Variants in RALY observed in about 807,000 individuals in gnomAD.
RALY encodes the protein RALY heterogeneous nuclear ribonucleoprotein.
A neutral mutation model predicts 30.7 loss-of-function variants in RALY; 15 were observed. That is an observed-to-expected ratio of 0.49 (90% CI 0.33 to 0.75). RALY has a LOEUF of 0.75. Among genes scored for constraint, RALY ranks in the 30% least tolerant of loss-of-function variants. RALY has a pLI of 0.02. For missense variants in RALY, 339 were observed against 414.3 expected, an observed-to-expected ratio of 0.82 and a Z score of 1.58; for synonymous variants, 177 against 170.8, an observed-to-expected ratio of 1.04 and a Z score of -0.28.
intron 1 of RALY, among the ~76,000 whole-genome samples, chr20:34,001,675 T>C (rs940816802): frequency 6.6e-6 from 1 of 152,258 alleles, no homozygotes; most frequent in Non-Finnish European, 1.5e-5. Flanking sequence ...AGCCCAGCAG[T>C]AGATTTAAAA....
intron 2 of RALY, among the ~76,000 whole-genome samples, chr20:34,044,797 T>G (rs1403346625): frequency 6.6e-6 from 1 of 152,230 alleles, no homozygotes; most frequent in Non-Finnish European, 1.5e-5. Flanking sequence ...GGAAGGGACC[T>G]TAGGGACAGT....
chr20:34,037,410 G>A (rs2032536964), intron 2 of RALY, among the ~76,000 whole-genome samples: 3 of 152,278 alleles, frequency 2.0e-5, no homozygotes, highest in Admixed American at 1.3e-4. Context: ...ACCGCTGCCC[G>A]CCTCATGGAC....
intron 2 of RALY, among the ~76,000 whole-genome samples, chr20:34,058,096 C>T (rs144595987): frequency 1.6e-4 from 25 of 151,748 alleles, no homozygotes; most frequent in African/African-American, 5.3e-4. Context: ...GGAAGGGGGC[C>T]GGGAAGGGTT....
intron 1 of RALY, among the ~76,000 whole-genome samples, chr20:33,994,718 G>A (rs2030516301): frequency 6.6e-6 from 1 of 152,142 alleles, no homozygotes; most frequent in Admixed American, 6.5e-5. Flanking sequence ...CTCCTTGGCG[G>A]CCGAGTCTTA....
chr20:34,070,082 C>T lies in RALY; in HGVS notation c.-9-1984C>T, dbSNP rs532066897. On this transcript the variant is annotated intron_variant, in intron 2 of 9. Transcript: ENST00000246194. ...GGAGGATTTAAGAGAAAAAGAGTCT[C>T]TTATCCCCTAGTGGGATAAGAGATA... Among the ~76,000 whole-genome samples, 28 of 152,282 alleles carry T rather than the reference C, an allele frequency of 1.8e-4. No homozygotes were observed. In the South Asian group the frequency reaches 5.6e-3, roughly 30 times the overall value.
chr20:34,070,292 G>T (rs1477364456), intron 2 of RALY, among the ~76,000 whole-genome samples: 1 of 152,202 alleles, frequency 6.6e-6, no homozygotes, highest in Non-Finnish European at 1.5e-5. Context: ...GTACCAATGA[G>T]CAGAAGACTG....
chr20:34,064,303 C>G (rs1290700918), intron 2 of RALY, among the ~76,000 whole-genome samples: 10 of 152,068 alleles, frequency 6.6e-5, no homozygotes, highest in African/African-American at 1.9e-4. Context: ...AGTTAGTGTT[C>G]AAGATGCAGG....
chr20:34,030,831 T>C (rs1405828171), intron 1 of RALY, among the ~76,000 whole-genome samples: 2 of 152,160 alleles, frequency 1.3e-5, no homozygotes, highest in Non-Finnish European at 2.9e-5. Flanking sequence ...CCTTTGTACT[T>C]GCTATTCTCT....
At chr20:34,064,543 T>A (rs192926930) in intron 2 of RALY, among the ~76,000 whole-genome samples, 124 of 152,294 alleles carry the variant, frequency 8.1e-4, no homozygotes, top group African/African-American at 2.6e-3. Flanking sequence ...TTGACAGGAA[T>A]GGGGCAGGGA....
intron 1 of RALY, among the ~76,000 whole-genome samples, chr20:33,996,484 C>T (rs1341782000): frequency 6.6e-6 from 1 of 152,028 alleles, no homozygotes; most frequent in Non-Finnish European, 1.5e-5. Flanking sequence ...GAATTAAGTA[C>T]TATTATTATC....
At chr20:34,077,940 G>A (rs1338616928) in intron 8 of RALY, among the ~76,000 whole-genome samples, 1 of 152,256 alleles carries the variant, frequency 6.6e-6, no homozygotes, top group African/African-American at 2.4e-5. Context: ...AGGCTGAGTG[G>A]CATGCTCAGG....
chr20:34,025,899 G>GTTTTTTTTTTTTTT (rs35827160), intron 1 of RALY, among the ~76,000 whole-genome samples: 5 of 75,916 alleles, frequency 6.6e-5, no homozygotes, highest in Non-Finnish European at 1.2e-4. Context: ...ATTCCTGGTT[G>GTTTTTTTTTTTTTT]TTTTTTTTTT....
intron 1 of RALY, chr20:34,017,660 G>T (rs1273760336): frequency 6.6e-6 from 1 of 152,222 alleles, no homozygotes; most frequent in African/African-American, 2.4e-5. Context: ...TCTCCTCTAC[G>T]GAGTGCAGAG....
chr20:34,076,443 C>T (rs1161126303), intron 6 of RALY, among the ~76,000 whole-genome samples: 6 of 152,302 alleles, frequency 3.9e-5, no homozygotes, highest in South Asian at 2.1e-4. Context: ...CACATACACA[C>T]CTGTGCTCCT....
intron 2 of RALY, among the ~76,000 whole-genome samples, chr20:34,039,711 G>C (rs941042237): frequency 6.6e-6 from 1 of 152,160 alleles, no homozygotes; most frequent in Non-Finnish European, 1.5e-5. Flanking sequence ...TTAACATTGA[G>C]AGATAATGCA....
At chr20:34,025,147 C>T (rs1470828420) in intron 1 of RALY, among the ~76,000 whole-genome samples, 1 of 152,138 alleles carries the variant, frequency 6.6e-6, no homozygotes, top group African/African-American at 2.4e-5. Flanking sequence ...TTCAGGGGAG[C>T]CCTGCCTGAG....
intron 1 of RALY, among the ~76,000 whole-genome samples, chr20:33,997,249 G>A (rs1327646900): frequency 2.0e-5 from 3 of 152,040 alleles, no homozygotes; most frequent in African/African-American, 7.2e-5. Context: ...CGAGTAGCTG[G>A]GACTACAGGC....
chr20:34,006,476 T>C (rs970543864), intron 1 of RALY, among the ~76,000 whole-genome samples: 1 of 152,248 alleles, frequency 6.6e-6, no homozygotes, highest in Non-Finnish European at 1.5e-5. Flanking sequence ...TTTTGATAGT[T>C]TGATTCAGGA....
At chr20:34,040,182 C>A (rs1238484367) in intron 2 of RALY, among the ~76,000 whole-genome samples, 1 of 151,896 alleles carries the variant, frequency 6.6e-6, no homozygotes, top group Non-Finnish European at 1.5e-5. Flanking sequence ...AAAGAAAAAA[C>A]TGAGGCCCAA....
Sources: gnomAD v4.1 joint callset for allele counts (sites outside exome capture counted in the v4.1 genomes callset) on GRCh38, gnomAD v4.1.1 for gene constraint, MANE v1.5 for transcripts, NCBI Gene and HGNC (gene_info 2026-07-23, HGNC 2026-07-21) for gene names.